FGF13: variants seen among roughly 807,000 people sequenced by gnomAD.
FGF13 encodes fibroblast growth factor 13, also known as fibroblast growth factor homologous factor 2.
FGF13 carries 2 observed loss-of-function variants against 19.5 expected under a neutral mutation model. The observed-to-expected ratio is 0.10, with a 90% confidence interval of 0.04 to 0.32. FGF13 has a LOEUF of 0.32. Ranked by LOEUF, FGF13 falls within the 10% of genes least tolerant of loss-of-function variation. The pLI, the probability that FGF13 is intolerant of heterozygous loss-of-function variation, is 1.00. For synonymous variants in FGF13, 72 were observed against 76.9 expected (o/e 0.94, Z 0.33); for missense variants, 113 against 192.7 (o/e 0.59, Z 2.45).
intron 3 of FGF13, among the ~76,000 whole-genome samples, chrX:138,639,509 A>C (rs959853875): frequency 8.0e-5 from 9 of 112,487 alleles, no homozygotes; most frequent in African/African-American, 2.9e-4. Flanking sequence ...AGATGCTTTA[A>C]GTCTTCTGAC....
At chrX:139,185,742 G>A (rs1419924027) in intron 1 of FGF13, among the ~76,000 whole-genome samples, 2 of 111,736 alleles carry the variant, frequency 1.8e-5, no homozygotes, top group African/African-American at 6.5e-5. Context: ...AACACTAAAT[G>A]ATTATGCTTA....
At chrX:138,763,416 A>C (rs1426655858) in intron 3 of FGF13, among the ~76,000 whole-genome samples, 1 of 111,696 alleles carries the variant, frequency 9.0e-6, no homozygotes, top group Non-Finnish European at 1.9e-5. Flanking sequence ...CACACTCCAC[A>C]AGTGTTTGTA....
intron 1 of FGF13, among the ~76,000 whole-genome samples, chrX:139,119,079 G>A (rs750685147): frequency 3.6e-5 from 4 of 111,589 alleles, no homozygotes; most frequent in Non-Finnish European, 5.6e-5. Context: ...GCATGCACCT[G>A]TAGTCCCAGC....
intron 3 of FGF13, among the ~76,000 whole-genome samples, chrX:138,691,213 C>T (rs997489554): frequency 1.8e-5 from 2 of 111,584 alleles, no homozygotes; most frequent in Non-Finnish European, 3.8e-5. Flanking sequence ...GAAAATAACA[C>T]TGCAAAGAGG....
chrX:138,750,659 C>T (rs1402250297), intron 3 of FGF13, among the ~76,000 whole-genome samples: 1 of 111,225 alleles, frequency 9.0e-6, no homozygotes, highest in African/African-American at 3.3e-5. Context: ...CATGTGAATG[C>T]GCACACATAT....
At chrX:139,189,408 T>C (rs753094909) in intron 1 of FGF13, among the ~76,000 whole-genome samples, 1 of 111,658 alleles carries the variant, frequency 9.0e-6, no homozygotes, top group Non-Finnish European at 1.9e-5. Flanking sequence ...CTTGGACGAA[T>C]GGATAAGCCA....
intron 1 of FGF13, among the ~76,000 whole-genome samples, chrX:138,872,756 G>A (rs779452382): frequency 4.1e-4 from 46 of 112,088 alleles, no homozygotes; most frequent in African/African-American, 1.5e-3. Flanking sequence ...GACTGGTGAG[G>A]TTTCAAAAGA....
At chrX:138,957,600 C>A (rs1448033774) in intron 1 of FGF13, among the ~76,000 whole-genome samples, 2 of 111,281 alleles carry the variant, frequency 1.8e-5, no homozygotes, top group African/African-American at 3.3e-5. Context: ...CTATAAATTA[C>A]CTTGGGCAGT....
At chrX:138,646,315 T>C (rs1223918184) in intron 3 of FGF13, among the ~76,000 whole-genome samples, 2 of 112,069 alleles carry the variant, frequency 1.8e-5, no homozygotes, top group African/African-American at 6.5e-5. Flanking sequence ...TAACACTTTC[T>C]GCTGGAGAAC....
At position 138,625,011 on chromosome X, in the gene FGF13, A is replaced by C. The variant is rs970631606; in HGVS notation, c.*7839T>G. ...AAAAATACAAGTAAACTGTATTTTG[A>C]AAAATGGACCAAGGAGCTGAATAGA... On this transcript the variant is annotated 3_prime_UTR_variant, in exon 5 of 5. Coordinates refer to ENST00000315930, the MANE Select transcript of FGF13 (RefSeq NM_004114.5). 5.4e-5 allele frequency: 6 copies of C among 111,103 alleles called. No individual in the cohort carries two copies. Among genetic ancestry groups the C allele is most frequent in the Non-Finnish European group, 7.5e-5 (4 of 53,033 alleles). 9.2% of individuals were successfully genotyped at this position (111,103 alleles called of 1,213,427 possible).
intron 1 of FGF13, among the ~76,000 whole-genome samples, chrX:138,984,474 GAGAAGGAGA>G (rs1488496269): frequency 1.4e-4 from 13 of 93,325 alleles, no homozygotes; most frequent in Non-Finnish European, 2.5e-4. Flanking sequence ...GGAGAAGAAG[GAGAAGGAGA>G]AGAAGGAGAA....
At chrX:138,978,141 G>A (rs1207046502) in intron 1 of FGF13, among the ~76,000 whole-genome samples, 1 of 110,852 alleles carries the variant, frequency 9.0e-6, no homozygotes, top group Non-Finnish European at 1.9e-5. Flanking sequence ...ATGACTTGAT[G>A]GACCGTCCAT....
At chrX:138,743,977 C>T (rs1431886779), upstream of FGF13, among the ~76,000 whole-genome samples, 3 of 111,026 alleles carry the variant, frequency 2.7e-5, no homozygotes, top group Non-Finnish European at 5.7e-5. Context: ...TGTTCCTCCT[C>T]CTCCTCCTCC....
chrX:138,642,613 C>A (rs1431042974), intron 3 of FGF13, among the ~76,000 whole-genome samples: 4 of 111,432 alleles, frequency 3.6e-5, no homozygotes, highest in Non-Finnish European at 3.8e-5. Flanking sequence ...ACTATGGAAT[C>A]AATTTACAAA....
chrX:138,893,054 G>A (rs1455237974), intron 1 of FGF13, among the ~76,000 whole-genome samples: 3 of 111,138 alleles, frequency 2.7e-5, no homozygotes, highest in African/African-American at 6.6e-5. Flanking sequence ...GGTAGCTACC[G>A]AGGCAGCTCA....
intron 1 of FGF13, among the ~76,000 whole-genome samples, chrX:139,012,015 ACAC>A (rs1309576176): frequency 1.8e-5 from 2 of 111,857 alleles, no homozygotes; most frequent in African/African-American, 6.5e-5. Flanking sequence ...AAATTAATGT[ACAC>A]AAATCAGTAG....
Position 138,819,033 on chromosome X carries a change from A to C in FGF13, c.217+38479T>G, listed in dbSNP as rs145326842. ...CTAGGACTTCATTCTTCAGAGGAAA[A>C]AGGTAGAATATTTCAAAGCACCATA... On this transcript the variant is annotated intron_variant, in intron 3 of 6. Coordinates refer to the FGF13 transcript ENST00000436198. Among the ~76,000 whole-genome samples, 62 of 110,816 alleles carry C rather than the reference A, an allele frequency of 5.6e-4. 1 individual carries two copies. The East Asian group carries it at 6.6e-3, about 12-fold the overall frequency.
intron 1 of FGF13, among the ~76,000 whole-genome samples, chrX:139,195,974 A>T (rs759592909): frequency 1.8e-4 from 20 of 111,738 alleles, no homozygotes; most frequent in Middle Eastern, 4.2e-3. Flanking sequence ...CAGAAATGAA[A>T]ATCTTTCAAT....
intron 3 of FGF13, among the ~76,000 whole-genome samples, chrX:138,765,989 T>A (rs2090499872): frequency 9.0e-6 from 1 of 111,240 alleles, no homozygotes; most frequent in Non-Finnish European, 1.9e-5. Flanking sequence ...TGACACCCAT[T>A]CATCTTTCAG....
Sources: gnomAD v4.1 joint callset for allele counts (sites outside exome capture counted in the v4.1 genomes callset) on GRCh38, gnomAD v4.1.1 for gene constraint, MANE v1.5 for transcripts, NCBI Gene and HGNC (gene_info 2026-07-23, HGNC 2026-07-21) for gene names.